The following KIF16B variants were observed in gnomAD, a reference collection of about 807,000 sequenced individuals.
KIF16B encodes kinesin family member 16B.
In KIF16B, 98 loss-of-function variants were observed where a neutral mutation model predicts 156.3. The ratio of observed to expected loss-of-function variants is 0.63; its 90% CI spans 0.53 to 0.74. The LOEUF is 0.74. KIF16B is among the 30% of genes least tolerant of loss of function. KIF16B has a pLI of 0.00. For synonymous variants in KIF16B, 564 were observed against 583.7 expected, an observed-to-expected ratio of 0.97 and a Z score of 0.49; for missense variants, 1,421 against 1,606.5, an observed-to-expected ratio of 0.88 and a Z score of 1.97.
intron 25 of KIF16B, among the ~76,000 whole-genome samples, chr20:16,290,175 C>T (rs1464007663): frequency 6.6e-6 from 1 of 152,182 alleles, no homozygotes. Flanking sequence ...AAATGAGAAT[C>T]TTGCTGTGTG....
intron 12 of KIF16B, among the ~76,000 whole-genome samples, chr20:16,493,192 G>A (rs1296019041): frequency 6.6e-6 from 1 of 152,164 alleles, no homozygotes; most frequent in East Asian, 1.9e-4. Context: ...GCCATCTCTA[G>A]GACCATCACA....
At chr20:16,371,604 AAAGG>A in intron 21 of KIF16B, 57 bp downstream of exon 21, 2 of 1,103,706 alleles carry the variant, frequency 1.8e-6, no homozygotes, top group Non-Finnish European at 2.7e-6. Context: ...AAAAAAAAAA[AAAGG>A]AAAAAAGAAA....
At position 16,537,711 on chromosome 20, in the gene KIF16B, T is replaced by G. The variant is rs546485035; in HGVS notation, c.48-9271A>C. On this transcript the variant is annotated intron_variant, in intron 1 of 25. Coordinates refer to ENST00000354981, the MANE Select transcript of KIF16B (RefSeq NM_024704.5). ...TCTTTTTTTCTTTTTTTCGTTTTTT[T>G]TTTTTTTTTTTGAGACAGGGTCTGG... Among the ~76,000 whole-genome samples the G allele has an allele frequency of 2.3e-3, 339 of 146,476 alleles. 1 individual carries two copies. Among genetic ancestry groups the G allele is most frequent in the African/African-American group, 7.7e-3 (308 of 39,750 alleles).
rs913245832 is a variant in KIF16B at position 16,492,152 on chromosome 20, C to T, written c.1302+2139G>A. On this transcript the variant is annotated intron_variant, in intron 12 of 25. Transcript: ENST00000354981. The stretch of plus-strand genomic sequence containing the variant: ...CCACTGAGTTGGGGTGGGTTTTATG[C>T]GCATTACTGGAACAATGACTGACTG... Among the ~76,000 whole-genome samples the T allele has an allele frequency of 3.9e-5, 6 of 152,236 alleles. No individual in the cohort carries two copies. In the South Asian group the frequency reaches 6.2e-4, roughly 16 times the overall value.
At chr20:16,363,835 A>C (rs1032184961) in intron 22 of KIF16B, among the ~76,000 whole-genome samples, 1 of 152,118 alleles carries the variant, frequency 6.6e-6, no homozygotes, top group East Asian at 1.9e-4. Context: ...GTGCCACTGA[A>C]ATTTGGGGGG....
At chr20:16,342,153 GT>G (rs1162866702) in intron 23 of KIF16B, among the ~76,000 whole-genome samples, 1 of 151,990 alleles carries the variant, frequency 6.6e-6, no homozygotes, top group Non-Finnish European at 1.5e-5. Flanking sequence ...TTAGCATTTG[GT>G]TCACACCATG....
At chr20:16,513,027 G>A in intron 4 of KIF16B, 104 bp from the exon 5 acceptor site, 1 of 770,958 alleles carries the variant, frequency 1.3e-6, no homozygotes. Flanking sequence ...TGACCTGTAT[G>A]CCAACCCCTG....
intron 17 of KIF16B, among the ~76,000 whole-genome samples, chr20:16,383,875 T>C (rs776622758): frequency 5.3e-5 from 8 of 152,250 alleles, no homozygotes; most frequent in Non-Finnish European, 2.9e-5. Context: ...AATGCTACAC[T>C]GAGCACTGGG....
At chr20:16,408,924 C>T (rs1176648727) in intron 15 of KIF16B, among the ~76,000 whole-genome samples, 1 of 152,030 alleles carries the variant, frequency 6.6e-6, no homozygotes, top group African/African-American at 2.4e-5. Context: ...GTTCATTCAG[C>T]AAATATTTAA....
chr20:16,418,104 T>C (rs913849733), intron 15 of KIF16B, among the ~76,000 whole-genome samples: 5 of 150,686 alleles, frequency 3.3e-5, no homozygotes, highest in South Asian at 4.3e-4. Flanking sequence ...GCCAATGTAC[T>C]GAATGTAAAG....
chr20:16,397,223 T>A (rs1389429897), intron 17 of KIF16B, among the ~76,000 whole-genome samples: 1 of 152,180 alleles, frequency 6.6e-6, no homozygotes, highest in African/African-American at 2.4e-5. Flanking sequence ...GCAGGAAAAT[T>A]ATCTCCTGGC....
At chr20:16,539,821 G>T (rs2070126396) in intron 1 of KIF16B, among the ~76,000 whole-genome samples, 1 of 152,174 alleles carries the variant, frequency 6.6e-6, no homozygotes, top group African/African-American at 2.4e-5. Flanking sequence ...AATTCAAATT[G>T]ATTCCATTCC....
intron 1 of KIF16B, among the ~76,000 whole-genome samples, chr20:16,564,423 A>G (rs2071177413): frequency 1.3e-5 from 2 of 152,160 alleles, no homozygotes; most frequent in Admixed American, 1.3e-4. Context: ...CAAAAAACCA[A>G]ACACCGCATG....
At chr20:16,368,665 T>A (rs959171156) in intron 22 of KIF16B, 1 of 985,936 alleles carries the variant, frequency 1.0e-6, no homozygotes, top group South Asian at 4.7e-5. Flanking sequence ...TTTTTTAGCA[T>A]CCAACTCTTC....
At chr20:16,301,870 G>T (rs925566078) in intron 25 of KIF16B, among the ~76,000 whole-genome samples, 2 of 152,032 alleles carry the variant, frequency 1.3e-5, no homozygotes, top group Admixed American at 1.3e-4. Flanking sequence ...GGCTGGTCTC[G>T]AACTCCTGAC....
intron 16 of KIF16B, among the ~76,000 whole-genome samples, chr20:16,405,218 C>A (rs1216757290): frequency 6.6e-6 from 1 of 152,154 alleles, no homozygotes; most frequent in Non-Finnish European, 1.5e-5. Context: ...TCTTTGCCAT[C>A]CTCCATTACC....
chr20:16,421,217 A>G (rs2066217100), intron 15 of KIF16B, among the ~76,000 whole-genome samples: 1 of 152,288 alleles, frequency 6.6e-6, no homozygotes, highest in Middle Eastern at 3.4e-3. Context: ...AAACTGTTTT[A>G]TGGGTAAAAG....
intron 22 of KIF16B, chr20:16,367,730 G>A (rs1434592052): frequency 6.2e-7 from 1 of 1,612,460 alleles, no homozygotes. Flanking sequence ...TTCCAATCAA[G>A]AGAAAGCTGA....
chr20:16,567,308 G>A (rs544357131), intron 1 of KIF16B, among the ~76,000 whole-genome samples: 36 of 152,256 alleles, frequency 2.4e-4, no homozygotes, highest in Admixed American at 1.4e-3. Context: ...CTATATGGTC[G>A]CTGGCAATAT....
Sources: allele counts gnomAD v4.1 joint callset (sites outside exome capture counted in the v4.1 genomes callset), GRCh38; gene constraint gnomAD v4.1.1; transcripts MANE v1.5; gene names NCBI Gene and HGNC (gene_info 2026-07-23, HGNC 2026-07-21).